ZNF568: variants seen among roughly 807,000 people sequenced by gnomAD.
ZNF568 encodes the protein p53 inhibitor of SCO2 activation.
A neutral mutation model predicts 18.1 loss-of-function variants in ZNF568; 11 were observed. The ratio of observed to expected loss-of-function variants is 0.61; its 90% CI spans 0.38 to 1.00. The LOEUF is 1.00. Ranked by LOEUF, ZNF568 falls within the 50% of genes least tolerant of loss-of-function variation. ZNF568 has a pLI of 0.01. For missense variants in ZNF568, 639 were observed against 768.2 expected (o/e 0.83, Z 1.99); for synonymous variants, 213 against 246.6 (o/e 0.86, Z 1.28).
At position 36,946,067 on chromosome 19, in the gene ZNF568, C is replaced by G. The variant is rs1192752502; in HGVS notation, c.359-3445C>G. Among the ~76,000 whole-genome samples the G allele has an allele frequency of 5.3e-5, 8 of 151,802 alleles. No individual in the cohort carries two copies. The East Asian group carries it at 1.2e-3, about 22-fold the overall frequency. ...CCGAGATTGCGCCACTGCACTCCAG[C>G]CTGGCGACAGAGTGAGACTCTGTCT... On this transcript the variant is annotated intron_variant, in intron 6 of 6. Transcript: ENST00000333987.
intron 4 of ZNF568, among the ~76,000 whole-genome samples, chr19:36,928,368 A>G (rs1157391602): frequency 2.0e-5 from 3 of 152,176 alleles, no homozygotes; most frequent in African/African-American, 7.2e-5. Context: ...CCTATTTATA[A>G]AGTAAAAGTA....
chr19:36,951,217 A>G lies in ZNF568; in HGVS notation c.*129A>G. On this transcript the variant is annotated 3_prime_UTR_variant, in exon 7 of 7. Coordinates refer to ENST00000333987, the MANE Select transcript of ZNF568 (RefSeq NM_198539.4). ...AAAGGTGTAAGACTGGAATAAATGG[A>G]AAGAAATACCATATACATAGATGGA... 1.1e-6 allele frequency: 1 copy of G among 877,902 alleles called. No individual in the cohort carries two copies. Among genetic ancestry groups the G allele is most frequent in the Non-Finnish European group, 1.6e-6 (1 of 630,256 alleles). 54.4% of individuals were successfully genotyped at this position (877,902 alleles called of 1,614,324 possible).
chr19:36,953,935 G>A (rs934942734), downstream of ZNF568, among the ~76,000 whole-genome samples: 2 of 151,806 alleles, frequency 1.3e-5, no homozygotes, highest in African/African-American at 4.8e-5. Flanking sequence ...TAAATAAAAA[G>A]GAGATAGGCT....
chr19:36,919,530 C>T (rs564879674), intron 2 of ZNF568, among the ~76,000 whole-genome samples: 1 of 152,092 alleles, frequency 6.6e-6, no homozygotes, highest in African/African-American at 2.4e-5. Context: ...CAACCTATAT[C>T]CCTCGCATGC....
intron 6 of ZNF568, among the ~76,000 whole-genome samples, chr19:36,966,898 T>G (rs1361210782): frequency 6.6e-6 from 1 of 152,218 alleles, no homozygotes. Context: ...GACCGTGTGC[T>G]CCAGACCTCA....
At chr19:36,924,261 C>T (rs113855413) in intron 3 of ZNF568, among the ~76,000 whole-genome samples, 1 of 151,862 alleles carries the variant, frequency 6.6e-6, no homozygotes, top group Non-Finnish European at 1.5e-5. Context: ...CTCTGTCGCC[C>T]AGGCTGGAGT....
At chr19:36,927,808 TA>T (rs1251814335) in intron 4 of ZNF568, among the ~76,000 whole-genome samples, 7 of 132,386 alleles carry the variant, frequency 5.3e-5, no homozygotes, top group African/African-American at 8.6e-5. Flanking sequence ...TACATATATA[TA>T]AAAAATATAT....
intron 6 of ZNF568, among the ~76,000 whole-genome samples, chr19:36,967,963 C>A (rs1459342275): frequency 6.6e-6 from 1 of 152,208 alleles, no homozygotes; most frequent in African/African-American, 2.4e-5. Flanking sequence ...ATGCATATCT[C>A]TTAACAGTGG....
intron 2 of ZNF568, among the ~76,000 whole-genome samples, chr19:36,990,669 C>T (rs1215916781): frequency 6.6e-6 from 1 of 152,074 alleles, no homozygotes; most frequent in Non-Finnish European, 1.5e-5. Flanking sequence ...GCAAAAGAAC[C>T]TTTAGAAAAC....
chr19:36,956,273 G>A (rs1354353773), downstream of ZNF568, among the ~76,000 whole-genome samples: 1 of 152,154 alleles, frequency 6.6e-6, no homozygotes, highest in Non-Finnish European at 1.5e-5. Flanking sequence ...TTCCTCTAAG[G>A]AATTGCTGTT....
At chr19:36,997,666 GC>G (rs2074491854), downstream of ZNF568, 4 of 1,147,032 alleles carry the variant, frequency 3.5e-6, no homozygotes, top group Non-Finnish European at 5.1e-6. Context: ...CTTCATTCGG[GC>G]CTCACACCTT....
chr19:36,996,291 C>T (rs2074470660), intron 4 of ZNF568: 1 of 1,474,922 alleles, frequency 6.8e-7, no homozygotes, highest in South Asian at 1.3e-5. Context: ...AAAATACCTC[C>T]TATTTTCTTT....
At chr19:36,995,724 C>A (rs370959984) in intron 4 of ZNF568, among the ~76,000 whole-genome samples, 1 of 151,468 alleles carries the variant, frequency 6.6e-6, no homozygotes, top group South Asian at 2.1e-4. Flanking sequence ...TCTTAGTGGT[C>A]GCCTTCAAGA....
chr19:36,950,396 G>GA lies in ZNF568; in HGVS notation c.1244dup (p.Lys416GlufsTer6), dbSNP rs2074039130. 6.2e-7 allele frequency: 1 copy of GA among 1,614,062 alleles called. No homozygotes were observed. The stretch of plus-strand genomic sequence containing the variant: ...TATACATATGAGAAGTCACACTGGT[G>GA]AGAAACCCTATGTATGTAGTGAATG... On this transcript the variant is annotated frameshift_variant, in exon 7 of 7. Transcript: ENST00000333987. LOFTEE classifies it low-confidence loss of function (END_TRUNC).
At chr19:36,978,237 A>G (rs2146338623) in intron 7 of ZNF568, among the ~76,000 whole-genome samples, 1 of 152,370 alleles carries the variant, frequency 6.6e-6, no homozygotes, top group African/African-American at 2.4e-5. Flanking sequence ...TGTATTTAGC[A>G]GAGCACAAAG....
At chr19:36,934,872 G>A (rs1043828730) in intron 4 of ZNF568, among the ~76,000 whole-genome samples, 5 of 149,642 alleles carry the variant, frequency 3.3e-5, no homozygotes, top group African/African-American at 1.2e-4. Context: ...TTCTGTTAGT[G>A]ATTTCTAATT....
chr19:36,987,820 C>T (rs1168221010), intron 2 of ZNF568, among the ~76,000 whole-genome samples: 1 of 55,776 alleles, frequency 1.8e-5, no homozygotes, highest in Non-Finnish European at 3.7e-5. Context: ...AAAACACAGA[C>T]TCTGTGTGTG....
chr19:36,979,937 G>T (rs564899928), downstream of ZNF568: 3 of 152,072 alleles, frequency 2.0e-5, no homozygotes, highest in African/African-American at 7.2e-5. Flanking sequence ...GTATTATTTT[G>T]ATTTCAAATT....
intron 6 of ZNF568, among the ~76,000 whole-genome samples, chr19:36,937,778 A>G (rs1249902301): frequency 6.6e-6 from 1 of 152,162 alleles, no homozygotes; most frequent in South Asian, 2.1e-4. Flanking sequence ...TGGCTTAGAA[A>G]TCCCATGGCA....
Sources: allele counts gnomAD v4.1 joint callset (sites outside exome capture counted in the v4.1 genomes callset), GRCh38; gene constraint gnomAD v4.1.1; transcripts MANE v1.5; gene names NCBI Gene and HGNC (gene_info 2026-07-23, HGNC 2026-07-21).